The following TRMT2B variants were observed in gnomAD, a reference collection of about 807,000 sequenced individuals.
The protein encoded by TRMT2B is tRNA methyltransferase 2B, also known as tRNA (uracil-5-)-methyltransferase homolog B.
A neutral mutation model predicts 39.7 loss-of-function variants in TRMT2B; 34 were observed. That is an observed-to-expected ratio of 0.86 (90% CI 0.65 to 1.14). The LOEUF (loss-of-function observed/expected upper bound fraction) is 1.14. Ranked by LOEUF, TRMT2B falls within the 50% of genes most tolerant of loss-of-function variation. The probability of loss-of-function intolerance (pLI) is 0.00; values close to 1 mark genes in which losing one functional copy is unlikely to be tolerated. For missense variants in TRMT2B, 318 were observed against 377.2 expected (o/e 0.84, Z 1.30); for synonymous variants, 132 against 137.3 (o/e 0.96, Z 0.27).
downstream of TRMT2B, among the ~76,000 whole-genome samples, chrX:101,007,958 C>T (rs1198587207): frequency 9.0e-6 from 1 of 110,953 alleles, no homozygotes; most frequent in Admixed American, 9.7e-5. Context: ...GCAGGGATGG[C>T]GACTTTGTGA....
the TRMT2B span, among the ~76,000 whole-genome samples, chrX:100,981,201 G>A: frequency 1.8e-5 from 2 of 111,831 alleles, no homozygotes; most frequent in African/African-American, 3.3e-5. Flanking sequence ...GCACCCCAGA[G>A]CACTTCAGGC....
the TRMT2B span, chrX:100,974,335 A>ACG: frequency 2.2e-6 from 1 of 457,106 alleles, no homozygotes; most frequent in Non-Finnish European, 3.9e-6. Context: ...CCTAACACAC[A>ACG]CGCACACACA....
intron 7 of TRMT2B, among the ~76,000 whole-genome samples, chrX:101,035,349 T>C (rs1043306317): frequency 3.6e-5 from 4 of 112,021 alleles, no homozygotes; most frequent in Non-Finnish European, 7.5e-5. Context: ...CATCAGCACT[T>C]CTTCCTAATA....
chrX:100,982,466 T>C, the TRMT2B span, among the ~76,000 whole-genome samples: 3 of 76,127 alleles, frequency 3.9e-5, no homozygotes, highest in Non-Finnish European at 5.1e-5. Context: ...CACTCCAGGC[T>C]TAAAAAATAA....
At chrX:100,989,595 C>T in the TRMT2B span, among the ~76,000 whole-genome samples, 72 of 101,802 alleles carry the variant, frequency 7.1e-4, no homozygotes, top group African/African-American at 2.4e-3. Flanking sequence ...GGCAACAGAG[C>T]GGGACTCCAT....
intron 13 of TRMT2B, among the ~76,000 whole-genome samples, chrX:101,016,062 T>A (rs1056854004): frequency 1.8e-5 from 2 of 111,436 alleles, no homozygotes; most frequent in Non-Finnish European, 3.8e-5. Flanking sequence ...GGAGTGAGAT[T>A]CAGTCTCAAA....
At chrX:101,030,031 G>A (rs1438862912) in intron 7 of TRMT2B, among the ~76,000 whole-genome samples, 1 of 111,284 alleles carries the variant, frequency 9.0e-6, no homozygotes, top group Admixed American at 9.7e-5. Flanking sequence ...AGGCTGAGGC[G>A]GGTAGATCAT....
downstream of TRMT2B, among the ~76,000 whole-genome samples, chrX:101,006,437 T>C (rs923016253): frequency 1.0e-4 from 11 of 110,464 alleles, no homozygotes; most frequent in African/African-American, 3.6e-4. Context: ...AAAAATGTCC[T>C]TATGCTTAGA....
intron 7 of TRMT2B, among the ~76,000 whole-genome samples, chrX:101,027,253 G>A (rs1469068567): frequency 2.8e-5 from 3 of 105,724 alleles, no homozygotes; most frequent in African/African-American, 1.0e-4. Context: ...TTTTTTTTGA[G>A]ATGGAGTCTC....
At chrX:101,035,733 A>G (rs1257263607) in intron 6 of TRMT2B, 50 bp from the exon 7 acceptor site, 1 of 1,072,346 alleles carries the variant, frequency 9.3e-7, no homozygotes, top group African/African-American at 1.8e-5. Flanking sequence ...AAGATTATTT[A>G]AAAGAAAATG....
chrX:100,988,534 T>C, the TRMT2B span: 4 of 1,108,453 alleles, frequency 3.6e-6, no homozygotes, highest in Non-Finnish European at 4.8e-6. Flanking sequence ...TCCAGCTCCA[T>C]ATGCTGATGA....
chrX:101,036,877 T>A, intron 6 of TRMT2B, 97 bp downstream of exon 6: 2 of 652,560 alleles, frequency 3.1e-6, no homozygotes, highest in Middle Eastern at 3.1e-4. Flanking sequence ...CAATTTAATC[T>A]TCTTCTTTAA....
intron 2 of TRMT2B, among the ~76,000 whole-genome samples, chrX:101,047,135 G>A (rs946065146): frequency 1.8e-4 from 19 of 108,392 alleles, no homozygotes; most frequent in Non-Finnish European, 3.1e-4. Flanking sequence ...GGAGGCTGAG[G>A]TGGTAGCATC....
chrX:101,034,038 C>T (rs2087674414), intron 7 of TRMT2B, among the ~76,000 whole-genome samples: 1 of 110,619 alleles, frequency 9.0e-6, no homozygotes, highest in Non-Finnish European at 1.9e-5. Context: ...GACAGGGTTT[C>T]TCCATGTTGG....
the TRMT2B span, among the ~76,000 whole-genome samples, chrX:100,987,717 C>T: frequency 8.9e-6 from 1 of 111,830 alleles, no homozygotes; most frequent in Non-Finnish European, 1.9e-5. Flanking sequence ...CCCACCAACA[C>T]TCCAACATTG....
intron 2 of TRMT2B, among the ~76,000 whole-genome samples, chrX:101,042,766 T>C (rs1950190077): frequency 1.8e-5 from 2 of 111,637 alleles, no homozygotes; most frequent in Admixed American, 1.9e-4. Context: ...TCCTGATGAG[T>C]GCTCAGAAAA....
Position 101,035,700 on chromosome X carries a change from A to G in TRMT2B, c.539-17T>C, listed in dbSNP as rs2087795919. On this transcript the variant is annotated splice_polypyrimidine_tract_variant and intron_variant, in intron 6 of 13. Coordinates refer to ENST00000372936, the MANE Select transcript of TRMT2B (RefSeq NM_024917.6). ...CGTTCCCATCTATGGAAAGAAAAAT[A>G]ATTTGCATGGTTTTATTCTTAAAAG... 1 of 1,174,209 alleles carries G rather than the reference A, an allele frequency of 8.5e-7. No individual in the cohort carries two copies. The highest frequency in any genetic ancestry group is 2.2e-5 in the Admixed American group (1 of 45,856).
the TRMT2B span, among the ~76,000 whole-genome samples, chrX:100,994,941 T>C: frequency 1.1e-4 from 12 of 111,788 alleles, no homozygotes; most frequent in Admixed American, 1.9e-4. Flanking sequence ...CAGCCCCAGT[T>C]GTGTTTTGAA....
rs780621472 is a variant in TRMT2B, at chrX:101,023,584, C to T, written c.642G>A (p.Leu214=). The T allele has an allele frequency of 8.3e-7, 1 of 1,208,984 alleles. No homozygotes were observed. The highest frequency in any genetic ancestry group is 3.0e-5 in the East Asian group (1 of 33,790). Residue 214 remains leucine (L), a synonymous_variant, in exon 8 of 14, where the codon TTG becomes TTA. Transcript: ENST00000372936. ...YYEVFLRQSP[L]EPCLVFHEGG... is the part of the protein sequence containing the mutation. ...CTTCATGAAATACAAGGCAGGGCTCCAATGGAGACTGTCGAAGGAATACTT... is the reference window on the plus strand; with the variant it reads ...CTTCATGAAATACAAGGCAGGGCTCTAATGGAGACTGTCGAAGGAATACTT...
Sources: allele counts gnomAD v4.1 joint callset (sites outside exome capture counted in the v4.1 genomes callset), GRCh38; gene constraint gnomAD v4.1.1; transcripts MANE v1.5; gene names NCBI Gene and HGNC (gene_info 2026-07-23, HGNC 2026-07-21).